Variants in PPFIA2 observed in about 807,000 individuals in gnomAD.
The protein encoded by PPFIA2 is PPFI scaffold protein A2, also known as liprin-alpha-2.
Under a neutral mutation model 175.5 loss-of-function variants are expected in PPFIA2, and 46 were observed. The ratio of observed to expected loss-of-function variants is 0.26; its 90% confidence interval spans 0.21 to 0.34. The LOEUF is 0.34. Among genes scored for constraint, PPFIA2 ranks in the 10% least tolerant of loss-of-function variants. PPFIA2 has a pLI of 1.00. For missense variants in PPFIA2, 1,179 were observed against 1,506.1 expected (o/e 0.78, Z 3.60); for synonymous variants, 568 against 511.4 (o/e 1.11, Z -1.49).
chr12:81,463,395 G>GC (rs1245043882), intron 4 of PPFIA2, among the ~76,000 whole-genome samples: 1 of 151,950 alleles, frequency 6.6e-6, no homozygotes, highest in Admixed American at 6.6e-5. Flanking sequence ...TAGGTCAGTC[G>GC]CCAACTACTA....
At chr12:81,320,427 T>G (rs556383527) in intron 22 of PPFIA2, among the ~76,000 whole-genome samples, 16 of 152,204 alleles carry the variant, frequency 1.1e-4, no homozygotes, top group African/African-American at 3.9e-4. Context: ...TTAATTTCAT[T>G]TTAATGATAT....
intron 4 of PPFIA2, among the ~76,000 whole-genome samples, chr12:81,652,342 C>T (rs1238448161): frequency 6.6e-6 from 1 of 151,012 alleles, no homozygotes; most frequent in Admixed American, 6.6e-5. Flanking sequence ...ACAAAGTTAT[C>T]ATTGGCGATT....
At chr12:81,663,109 T>A (rs953189068) in intron 4 of PPFIA2, among the ~76,000 whole-genome samples, 4 of 151,720 alleles carry the variant, frequency 2.6e-5, no homozygotes, top group Non-Finnish European at 5.9e-5. Context: ...CTGGAAGGCA[T>A]TCCCTTTGAA....
At chr12:81,621,885 G>T (rs1342747032) in intron 4 of PPFIA2, among the ~76,000 whole-genome samples, 1 of 152,138 alleles carries the variant, frequency 6.6e-6, no homozygotes, top group Non-Finnish European at 1.5e-5. Flanking sequence ...TTTCAGTGGA[G>T]AGTACTGGCT....
chr12:81,483,993 G>T (rs143625834), intron 4 of PPFIA2, among the ~76,000 whole-genome samples: 1 of 151,796 alleles, frequency 6.6e-6, no homozygotes, highest in African/African-American at 2.4e-5. Context: ...TATCCCTCGG[G>T]GTAGGAATCA....
chr12:81,309,568 G>T (rs780570101), intron 22 of PPFIA2, among the ~76,000 whole-genome samples: 2 of 151,978 alleles, frequency 1.3e-5, no homozygotes, highest in Non-Finnish European at 2.9e-5. Flanking sequence ...TCCTATTATT[G>T]CATATTTTCA....
Position 81,754,007 on chromosome 12 carries a change from G to A in PPFIA2, c.215C>T (p.Ser72Leu). Residue 72 changes from serine (S) to leucine (L), a missense_variant, in exon 3 of 33, where the codon TCA (serine) becomes TTA (leucine). By Grantham distance (145) the Ser-to-Leu change is moderately radical (BLOSUM62 -2). Around this residue, in one of 10 missense-constraint regions of PPFIA2, gnomAD observed 128 missense variants for 141.4 expected, o/e 0.91. Transcript: ENST00000549396. ...RLQDVIYDRD[S>L]LQRQLNSALP... Reference sequence around the variant, plus strand: ...GGCTGAATTGAGCTGTCTCTGGAGTGAGTCTCGGTCATAGATGACATCCTG... The same window carrying A: ...GGCTGAATTGAGCTGTCTCTGGAGTAAGTCTCGGTCATAGATGACATCCTG... The A allele has an allele frequency of 1.2e-6, 2 of 1,613,898 alleles. No individual in the cohort carries two copies. The highest frequency in any genetic ancestry group is 1.7e-6 in the Non-Finnish European group (2 of 1,179,850).
chr12:81,415,781 CTTAGAA>C (rs2045131801), intron 7 of PPFIA2, among the ~76,000 whole-genome samples: 1 of 150,216 alleles, frequency 6.7e-6, no homozygotes, highest in Admixed American at 6.7e-5. Flanking sequence ...ATCCATTTAA[CTTAGAA>C]TTATAATATT....
intron 4 of PPFIA2, among the ~76,000 whole-genome samples, chr12:81,642,820 GTATATGTATGTATGTATTACATACATA>G (rs1328839968): frequency 8.5e-5 from 5 of 59,104 alleles, no homozygotes; most frequent in Non-Finnish European, 1.6e-4. Flanking sequence ...TTACATACAT[GTATATGTATGTATGTATTACATACATA>G]TATAACATGT....
chr12:81,366,158 A>G (rs940265702), intron 14 of PPFIA2, among the ~76,000 whole-genome samples: 1 of 149,100 alleles, frequency 6.7e-6, no homozygotes, highest in Non-Finnish European at 1.5e-5. Context: ...TTTTCTCAAC[A>G]TACAGTTATA....
rs1423860508 is a variant in PPFIA2, at chr12:81,361,218, A to T, written c.1637+1475T>A. On this transcript the variant is annotated intron_variant, in intron 15 of 32. Transcript: ENST00000549396. ...TCTGTATTTTGAGACATAAGGTCAA[A>T]AAAACAAGGAAATGGCCATTTATTC... Among the ~76,000 whole-genome samples, 6 of 151,714 alleles carry T rather than the reference A, an allele frequency of 4.0e-5. No homozygotes were observed. The South Asian group carries it at 1.2e-3, about 31-fold the overall frequency.
intron 27 of PPFIA2, 30 bp downstream of exon 27, chr12:81,281,227 C>T: frequency 6.9e-7 from 1 of 1,459,178 alleles, no homozygotes; most frequent in Non-Finnish European, 9.2e-7. Flanking sequence ...TTTAATTATT[C>T]TTTGGGGAAA....
chr12:81,447,733 C>T (rs1216169785), intron 5 of PPFIA2, among the ~76,000 whole-genome samples: 1 of 152,192 alleles, frequency 6.6e-6, no homozygotes, highest in Non-Finnish European at 1.5e-5. Flanking sequence ...TCTTGATCCT[C>T]TCTGGATTTG....
At chr12:81,615,631 G>A (rs1254724918) in intron 4 of PPFIA2, among the ~76,000 whole-genome samples, 2 of 152,114 alleles carry the variant, frequency 1.3e-5, no homozygotes, top group African/African-American at 4.8e-5. Context: ...CTAAGATGAG[G>A]ACTGAGAACT....
At chr12:81,754,685 G>T (rs2084367117) in intron 2 of PPFIA2, among the ~76,000 whole-genome samples, 1 of 152,186 alleles carries the variant, frequency 6.6e-6, no homozygotes, top group Non-Finnish European at 1.5e-5. Flanking sequence ...GGAAGTAAAT[G>T]ACTTGAATGA....
At chr12:81,602,191 T>C (rs1436663965) in intron 4 of PPFIA2, among the ~76,000 whole-genome samples, 1 of 151,836 alleles carries the variant, frequency 6.6e-6, no homozygotes, top group East Asian at 1.9e-4. Context: ...TTCACAAATA[T>C]TATTACCACA....
chr12:81,575,020 A>G (rs1234255952), intron 4 of PPFIA2, among the ~76,000 whole-genome samples: 1 of 151,846 alleles, frequency 6.6e-6, no homozygotes, highest in Admixed American at 6.6e-5. Context: ...ACACACACTC[A>G]CACCTCTGCA....
intron 4 of PPFIA2, among the ~76,000 whole-genome samples, chr12:81,625,642 G>T (rs567172998): frequency 6.6e-6 from 1 of 151,612 alleles, no homozygotes; most frequent in Non-Finnish European, 1.5e-5. Context: ...AAACCTGAAA[G>T]AAAAGATTCT....
At chr12:81,430,632 TC>T (rs2047941888) in intron 7 of PPFIA2, 1 of 151,946 alleles carries the variant, frequency 6.6e-6, no homozygotes, top group Non-Finnish European at 1.5e-5. Flanking sequence ...GTCTCATATC[TC>T]TCCTTCCTTC....
Sources: allele counts gnomAD v4.1 joint callset (sites outside exome capture counted in the v4.1 genomes callset), GRCh38; gene constraint gnomAD v4.1.1; regional missense constraint gnomAD v4.1.1; transcripts MANE v1.5; gene names NCBI Gene and HGNC (gene_info 2026-07-23, HGNC 2026-07-21).